DIS3L2: variants seen among roughly 807,000 people sequenced by gnomAD.
DIS3L2 encodes DIS3-like exonuclease 2.
DIS3L2 carries 34 observed loss-of-function variants against 97.5 expected under a neutral mutation model. The observed-to-expected ratio is 0.35, with a 90% CI of 0.27 to 0.46. DIS3L2 has a LOEUF of 0.46. Among genes scored for constraint, DIS3L2 ranks in the 20% least tolerant of loss-of-function variants. The pLI is 1.00. For synonymous variants in DIS3L2, 435 were observed against 445.2 expected, an observed-to-expected ratio of 0.98 and a Z score of 0.29; for missense variants, 1,038 against 1,146.0, an observed-to-expected ratio of 0.91 and a Z score of 1.36.
At chr2:232,301,181 C>A (rs1575004244) in intron 14 of DIS3L2, among the ~76,000 whole-genome samples, 4 of 152,290 alleles carry the variant, frequency 2.6e-5, no homozygotes, top group Admixed American at 2.6e-4. Flanking sequence ...TTTGCAGAAG[C>A]TAAGGTCTAG....
chr2:232,081,340 C>T (rs530319457), intron 5 of DIS3L2, among the ~76,000 whole-genome samples: 47 of 152,208 alleles, frequency 3.1e-4, no homozygotes, highest in Middle Eastern at 6.8e-3. Flanking sequence ...ATTATTATTA[C>T]CTCTCTGGTC....
chr2:232,310,719 T>G (rs1284193594), intron 14 of DIS3L2, among the ~76,000 whole-genome samples: 1 of 152,246 alleles, frequency 6.6e-6, no homozygotes, highest in Non-Finnish European at 1.5e-5. Flanking sequence ...TCCAGCAGGC[T>G]TCTCCCTGGA....
At chr2:232,212,957 T>C (rs1488631558) in intron 10 of DIS3L2, among the ~76,000 whole-genome samples, 1 of 152,028 alleles carries the variant, frequency 6.6e-6, no homozygotes, top group Non-Finnish European at 1.5e-5. Context: ...GAATCAGGAG[T>C]ACAAGCTGGT....
intron 4 of DIS3L2, among the ~76,000 whole-genome samples, chr2:232,028,440 T>G (rs943813818): frequency 6.6e-6 from 1 of 152,172 alleles, no homozygotes; most frequent in Non-Finnish European, 1.5e-5. Flanking sequence ...CTGAGTATGA[T>G]GCAGTAGCTA....
chr2:232,036,367 A>G (rs1490440778), intron 5 of DIS3L2, among the ~76,000 whole-genome samples: 1 of 152,114 alleles, frequency 6.6e-6, no homozygotes, highest in African/African-American at 2.4e-5. Context: ...TTTTAGCTCT[A>G]TCTAGTCATT....
chr2:232,194,902 T>G (rs192878136), intron 9 of DIS3L2, among the ~76,000 whole-genome samples: 52 of 152,274 alleles, frequency 3.4e-4, no homozygotes, highest in African/African-American at 1.2e-3. Context: ...ACTCCATTCT[T>G]CACTATGTTC....
intron 8 of DIS3L2, among the ~76,000 whole-genome samples, chr2:232,139,644 T>C (rs1416078410): frequency 6.6e-6 from 1 of 152,094 alleles, no homozygotes; most frequent in East Asian, 1.9e-4. Flanking sequence ...AGTTCTTCCA[T>C]AGAATAGAAT....
intron 11 of DIS3L2, among the ~76,000 whole-genome samples, chr2:232,243,710 A>G (rs554659636): frequency 1.3e-5 from 2 of 152,304 alleles, no homozygotes; most frequent in East Asian, 3.9e-4. Context: ...AATTCTGGCA[A>G]TGCATATCAC....
In DIS3L2 at chr2:232,321,358, A is replaced by G. The variant is rs190563128; in HGVS notation, c.1740-8455A>G. 8.5e-5 allele frequency among the ~76,000 whole-genome samples: 13 copies of G among 152,274 alleles called. No individual in the cohort carries two copies. The East Asian group carries it at 1.9e-3, about 23-fold the overall frequency. ...TGGGGGATGCCTGGATGCATTGCCC[A>G]GCTCCGAGCTCAGCACAAAAACTCC... On this transcript the variant is annotated intron_variant, in intron 14 of 20. Transcript: ENST00000325385.
At chr2:232,249,468 G>C in intron 12 of DIS3L2, 122 bp downstream of exon 12, 1 of 1,046,186 alleles carries the variant, frequency 9.6e-7, no homozygotes, top group Non-Finnish European at 1.4e-6. Context: ...GAGGTATGGA[G>C]TAGCCATCAT....
intron 11 of DIS3L2, among the ~76,000 whole-genome samples, chr2:232,242,835 G>A (rs925015711): frequency 2.1e-4 from 32 of 152,162 alleles, no homozygotes; most frequent in African/African-American, 7.0e-4. Context: ...TGGCCCCAAA[G>A]CATGCTTAAG....
At chr2:231,989,468 A>AT (rs1018953725) in intron 1 of DIS3L2, among the ~76,000 whole-genome samples, 7 of 151,950 alleles carry the variant, frequency 4.6e-5, no homozygotes, top group Admixed American at 3.3e-4. Flanking sequence ...AGTTTCTTAC[A>AT]TTTTTTCTAC....
chr2:232,084,349 C>T (rs1025759219), intron 5 of DIS3L2, among the ~76,000 whole-genome samples: 21 of 151,934 alleles, frequency 1.4e-4, no homozygotes, highest in African/African-American at 3.9e-4. Context: ...GGATGTTTTT[C>T]GGATTTTGGA....
intron 9 of DIS3L2, among the ~76,000 whole-genome samples, chr2:232,199,725 CAGAA>C (rs1460815411): frequency 2.6e-5 from 4 of 151,996 alleles, no homozygotes; most frequent in Non-Finnish European, 5.9e-5. Context: ...AAAACAAACA[CAGAA>C]AGGGTAAACC....
chr2:232,217,268 C>T (rs770754611), intron 10 of DIS3L2, among the ~76,000 whole-genome samples: 2 of 152,284 alleles, frequency 1.3e-5, no homozygotes, highest in Non-Finnish European at 2.9e-5. Context: ...AGAGGGCTGA[C>T]GGAGTGGTGA....
At chr2:232,080,653 C>T (rs1441791983) in intron 5 of DIS3L2, among the ~76,000 whole-genome samples, 1 of 151,834 alleles carries the variant, frequency 6.6e-6, no homozygotes, top group South Asian at 2.1e-4. Context: ...GTAATTTCAG[C>T]ACTTTGGGAG....
intron 10 of DIS3L2, among the ~76,000 whole-genome samples, chr2:232,215,805 G>A (rs896247493): frequency 3.9e-5 from 6 of 152,174 alleles, no homozygotes; most frequent in Admixed American, 1.3e-4. Flanking sequence ...GTTTTAAAGA[G>A]CAAAGGGCTG....
chr2:232,167,063 T>G (rs1234567358), intron 9 of DIS3L2, among the ~76,000 whole-genome samples: 1 of 152,148 alleles, frequency 6.6e-6, no homozygotes, highest in Non-Finnish European at 1.5e-5. Context: ...TTGCCCATTA[T>G]CCTCAGGATT....
chr2:231,976,153 G>A (rs910128336), intron 1 of DIS3L2, among the ~76,000 whole-genome samples: 4 of 152,148 alleles, frequency 2.6e-5, no homozygotes, highest in African/African-American at 2.4e-5. Context: ...GCATAGTGGC[G>A]AAGTGTTGGC....
Sources: allele counts gnomAD v4.1 joint callset (sites outside exome capture counted in the v4.1 genomes callset), GRCh38; gene constraint gnomAD v4.1.1; transcripts MANE v1.5; gene names NCBI Gene and HGNC (gene_info 2026-07-23, HGNC 2026-07-21).